The following ADGRL2 variants were observed in gnomAD, a reference collection of about 807,000 sequenced individuals.
The protein encoded by ADGRL2 is adhesion G protein-coupled receptor L2.
A neutral mutation model predicts 157.4 loss-of-function variants in ADGRL2; 44 were observed. The observed-to-expected ratio is 0.28, with a 90% CI of 0.22 to 0.36. The LOEUF is 0.36. Ranked by LOEUF, ADGRL2 falls within the 10% of genes least tolerant of loss-of-function variation. The pLI is 1.00. For synonymous variants in ADGRL2, 585 were observed against 624.7 expected (o/e 0.94, Z 0.95); for missense variants, 1,510 against 1,768.9 (o/e 0.85, Z 2.63).
chr1:81,911,298 C>G (rs2094715534), intron 3 of ADGRL2, among the ~76,000 whole-genome samples: 1 of 151,902 alleles, frequency 6.6e-6, no homozygotes, highest in Non-Finnish European at 1.5e-5. Flanking sequence ...CCATTTAGTA[C>G]TCTTTAAAGA....
In ADGRL2 at chr1:81,870,068, C is replaced by T. The variant is rs1025093530; in HGVS notation, c.73+33011C>T. 2.6e-5 allele frequency among the ~76,000 whole-genome samples: 4 copies of T among 151,942 alleles called. No homozygotes were observed. In the East Asian group the frequency reaches 5.8e-4, roughly 22 times the overall value. On this transcript the variant is annotated intron_variant, in intron 2 of 23. Coordinates refer to ENST00000686636, the MANE Select transcript of ADGRL2 (RefSeq NM_001366006.2). ...ACTTAGCTTGTTACTGCCAATTATTCGGGTTAAGTTTGTACATATTAGCGT... is the reference window on the plus strand; with the variant it reads ...ACTTAGCTTGTTACTGCCAATTATTTGGGTTAAGTTTGTACATATTAGCGT...
chr1:81,497,453 T>A (rs1205557209), intron 2 of ADGRL2, among the ~76,000 whole-genome samples: 1 of 152,184 alleles, frequency 6.6e-6, no homozygotes, highest in Non-Finnish European at 1.5e-5. Context: ...CAAGGATGTC[T>A]TTACACAGGG....
intron 1 of ADGRL2, among the ~76,000 whole-genome samples, chr1:81,411,024 T>C (rs984916900): frequency 6.6e-6 from 1 of 152,226 alleles, no homozygotes; most frequent in Non-Finnish European, 1.5e-5. Flanking sequence ...TCGGAAAATG[T>C]CTATACTTAG....
intron 1 of ADGRL2, among the ~76,000 whole-genome samples, chr1:81,726,902 C>G (rs1473488215): frequency 2.6e-5 from 4 of 152,148 alleles, no homozygotes; most frequent in Non-Finnish European, 4.4e-5. Context: ...ATTGAATTCT[C>G]TTTTATGTAC....
At chr1:81,578,602 A>G (rs1453249555) in intron 2 of ADGRL2, among the ~76,000 whole-genome samples, 1 of 152,138 alleles carries the variant, frequency 6.6e-6, no homozygotes, top group Non-Finnish European at 1.5e-5. Context: ...TAAGGTAATG[A>G]AATCTAGCTA....
intron 1 of ADGRL2, among the ~76,000 whole-genome samples, chr1:81,358,733 C>A (rs1245124259): frequency 1.3e-5 from 2 of 151,970 alleles, no homozygotes; most frequent in Non-Finnish European, 2.9e-5. Flanking sequence ...TGTTAAGTAC[C>A]TACTGTTGTC....
At chr1:81,832,077 G>A (rs1414008869) in intron 1 of ADGRL2, among the ~76,000 whole-genome samples, 1 of 152,054 alleles carries the variant, frequency 6.6e-6, no homozygotes, top group Non-Finnish European at 1.5e-5. Context: ...CCAATTTGAG[G>A]TAAATAAAAA....
chr1:81,834,562 T>C (rs2150150962), intron 1 of ADGRL2, among the ~76,000 whole-genome samples: 1 of 152,280 alleles, frequency 6.6e-6, no homozygotes, highest in South Asian at 2.1e-4. Flanking sequence ...GGAAGGTTGT[T>C]TAAAACTTGG....
At chr1:81,973,480 T>C (rs974343634) in intron 17 of ADGRL2, among the ~76,000 whole-genome samples, 1 of 152,244 alleles carries the variant, frequency 6.6e-6, no homozygotes. Flanking sequence ...CCAATGAGGC[T>C]ATCATGTGTT....
intron 1 of ADGRL2, among the ~76,000 whole-genome samples, chr1:81,718,934 C>A (rs1013841657): frequency 2.6e-5 from 4 of 152,142 alleles, no homozygotes; most frequent in Non-Finnish European, 5.9e-5. Flanking sequence ...GAAAAAGACA[C>A]CAGAGGCTTA....
At chr1:81,564,366 G>A (rs1570516575) in intron 2 of ADGRL2, among the ~76,000 whole-genome samples, 1 of 152,198 alleles carries the variant, frequency 6.6e-6, no homozygotes, top group Admixed American at 6.5e-5. Flanking sequence ...GACCACGAGG[G>A]TTGTAGTTAT....
chr1:81,791,522 G>A (rs564930574), intron 2 of ADGRL2, among the ~76,000 whole-genome samples: 210 of 152,090 alleles, frequency 1.4e-3, no homozygotes, highest in Admixed American at 3.7e-3. Context: ...GTTGATAGGA[G>A]GGGTAACAAA....
chr1:81,591,624 T>C (rs1217329289), intron 3 of ADGRL2, among the ~76,000 whole-genome samples: 1 of 152,186 alleles, frequency 6.6e-6, no homozygotes, highest in East Asian at 1.9e-4. Context: ...TGGGCTGGCT[T>C]TGTGACTTAT....
rs1027986992 is a variant in ADGRL2 at position 81,502,149 on chromosome 1, A to G, written c.-248+57060A>G. 8 of 1,593,270 alleles carry G rather than the reference A, an allele frequency of 5.0e-6. No individual in the cohort carries two copies. The African/African-American group carries it at 5.5e-5, about 11-fold the overall frequency. On this transcript the variant is annotated intron_variant, in intron 2 of 24. Transcript: ENST00000370721. Reference sequence around the variant, plus strand: ...ACCCAGGCTGCTTCAAAATATTTTCATGTGCAGAAAGTAGCTCGCCAAGAT... The same window carrying G: ...ACCCAGGCTGCTTCAAAATATTTTCGTGTGCAGAAAGTAGCTCGCCAAGAT...
At chr1:81,641,417 TC>T (rs576923253) in intron 3 of ADGRL2, among the ~76,000 whole-genome samples, 209 of 152,288 alleles carry the variant, frequency 1.4e-3, no homozygotes, top group Non-Finnish European at 2.3e-3. Flanking sequence ...GAGACCACAT[TC>T]TGGGTCATAA....
At chr1:81,501,155 A>G (rs2078837482) in intron 2 of ADGRL2, among the ~76,000 whole-genome samples, 1 of 152,222 alleles carries the variant, frequency 6.6e-6, no homozygotes, top group Non-Finnish European at 1.5e-5. Flanking sequence ...TTGTTTAAGG[A>G]TAGATTTGAT....
At chr1:81,937,696 G>A (rs1216411837) in intron 4 of ADGRL2, among the ~76,000 whole-genome samples, 3 of 151,774 alleles carry the variant, frequency 2.0e-5, no homozygotes, top group East Asian at 1.9e-4. Flanking sequence ...GTTCATGGGC[G>A]TTTGAATTAT....
chr1:81,591,968 T>C (rs2081142438), intron 3 of ADGRL2, among the ~76,000 whole-genome samples: 2 of 152,216 alleles, frequency 1.3e-5, no homozygotes, highest in African/African-American at 4.8e-5. Flanking sequence ...ATCCCTGGAC[T>C]CCTGACCCAT....
chr1:81,724,555 A>T (rs2084447333), intron 1 of ADGRL2, among the ~76,000 whole-genome samples: 1 of 152,084 alleles, frequency 6.6e-6, no homozygotes, highest in Admixed American at 6.6e-5. Flanking sequence ...CTCCCCTCCA[A>T]TGATAAAGAA....
Sources: allele counts gnomAD v4.1 joint callset (sites outside exome capture counted in the v4.1 genomes callset), GRCh38; gene constraint gnomAD v4.1.1; transcripts MANE v1.5; gene names NCBI Gene and HGNC (gene_info 2026-07-23, HGNC 2026-07-21).